Variants in MEIS2 observed in about 807,000 individuals in gnomAD.
MEIS2 encodes the protein homeobox protein Meis2.
MEIS2 carries 9 observed loss-of-function variants against 58.6 expected under a neutral mutation model. The observed-to-expected ratio is 0.15, with a 90% CI of 0.09 to 0.27. The LOEUF (loss-of-function observed/expected upper bound fraction) is 0.27, where lower values mean the gene tolerates loss of function less well. Among genes scored for constraint, MEIS2 ranks in the 10% least tolerant of loss-of-function variants. The pLI is 1.00. For missense variants in MEIS2, 427 were observed against 635.0 expected (o/e 0.67, Z 3.52); for synonymous variants, 221 against 228.4 (o/e 0.97, Z 0.29).
intron 8 of MEIS2, among the ~76,000 whole-genome samples, chr15:37,035,775 C>G (rs2062125096): frequency 6.6e-6 from 1 of 152,218 alleles, no homozygotes; most frequent in South Asian, 2.1e-4. Flanking sequence ...CTTTGTAGCT[C>G]TGCAAGAAGA....
rs1263005930 is a variant in MEIS2, at chr15:37,093,664, C to T, written c.556G>A (p.Asp186Asn). ...ISCLKGKMPI[D>N]LVIDERDGSS... is the part of the protein sequence containing the mutation. ...CCGTCTCTTTCATCAATGACGAGGT[C>T]GATGGGCATTTTCCCCTTCAAACAG... The change falls in exon 6 of 12, where the codon GAC becomes AAC. Residue 186 changes from aspartate to asparagine, a missense_variant. By Grantham distance (23) the Asp-to-Asn change is conservative. Coordinates refer to ENST00000561208, the MANE Select transcript of MEIS2 (RefSeq NM_170675.5). 1 of 1,614,048 alleles carries T rather than the reference C, an allele frequency of 6.2e-7. No individual in the cohort carries two copies. The highest frequency in any genetic ancestry group is 1.7e-5 in the Admixed American group (1 of 60,002).
At chr15:36,925,961 T>C (rs2057730100) in intron 9 of MEIS2, among the ~76,000 whole-genome samples, 1 of 152,220 alleles carries the variant, frequency 6.6e-6, no homozygotes, top group African/African-American at 2.4e-5. Flanking sequence ...AGGCTTACTG[T>C]GGGTGCCAAG....
At chr15:36,956,716 A>G (rs1001283342) in intron 8 of MEIS2, among the ~76,000 whole-genome samples, 2 of 152,148 alleles carry the variant, frequency 1.3e-5, no homozygotes, top group African/African-American at 4.8e-5. Context: ...TACAGAAAAT[A>G]TATTCCTAAC....
At chr15:37,047,417 A>G (rs1024421379) in intron 7 of MEIS2, among the ~76,000 whole-genome samples, 3 of 152,172 alleles carry the variant, frequency 2.0e-5, no homozygotes, top group Non-Finnish European at 4.4e-5. Flanking sequence ...GCCAGATACC[A>G]TCATTTCCCT....
intron 6 of MEIS2, among the ~76,000 whole-genome samples, chr15:37,093,214 T>C (rs1022847727): frequency 6.6e-6 from 1 of 152,216 alleles, no homozygotes; most frequent in Non-Finnish European, 1.5e-5. Context: ...CTAACTGTCT[T>C]GCTTCTTTCT....
At chr15:37,081,621 T>C (rs189103600) in intron 7 of MEIS2, among the ~76,000 whole-genome samples, 12 of 152,326 alleles carry the variant, frequency 7.9e-5, no homozygotes, top group African/African-American at 2.6e-4. Flanking sequence ...ATCACTGATG[T>C]GGTAAGCCAG....
rs1186393341 is a variant in MEIS2 at position 37,036,926 on chromosome 15, C to G, written c.788G>C (p.Gly263Ala). The change falls in exon 8 of 12, where the codon GGT (glycine) becomes GCT (alanine). Residue 263 changes from glycine to alanine, a missense_variant. By Grantham distance (60) the Gly-to-Ala change is moderately conservative (BLOSUM62 0). This residue lies in a region of MEIS2 where 138 missense variants were observed against 263.0 expected (regional missense o/e 0.52). Transcript: ENST00000561208. ...DGLDNSVASP[G>A]TGDDDDPDKD... ...ATCCGGATCATCATCGTCACCTGTACCAGGTGAAGCTACACTGTTGTCTAA... is the reference window on the plus strand; with the variant it reads ...ATCCGGATCATCATCGTCACCTGTAGCAGGTGAAGCTACACTGTTGTCTAA... 1.2e-6 allele frequency: 2 copies of G among 1,613,384 alleles called. No homozygotes were observed. The highest frequency in any genetic ancestry group is 1.7e-6 in the Non-Finnish European group (2 of 1,179,696).
intron 9 of MEIS2, among the ~76,000 whole-genome samples, chr15:36,935,070 T>C (rs899839676): frequency 6.6e-6 from 1 of 152,124 alleles, no homozygotes; most frequent in Non-Finnish European, 1.5e-5. Flanking sequence ...TTGGTTAGAG[T>C]CCAAGGTCAC....
intron 4 of MEIS2, 49 bp from the exon 5 acceptor site, chr15:37,094,626 T>A: frequency 3.8e-6 from 6 of 1,568,862 alleles, no homozygotes; most frequent in Non-Finnish European, 5.2e-6. Context: ...GACTCTGAGG[T>A]CCTGTCTTGG....
intron 9 of MEIS2, chr15:36,898,286 C>T (rs925488480): frequency 3.3e-5 from 5 of 152,240 alleles, no homozygotes; most frequent in African/African-American, 1.2e-4. Flanking sequence ...ATTATCTACT[C>T]TTTCCCCACC....
chr15:37,067,607 A>AG (rs1890129404), intron 7 of MEIS2, among the ~76,000 whole-genome samples: 1 of 151,250 alleles, frequency 6.6e-6, no homozygotes, highest in Non-Finnish European at 1.5e-5. Context: ...AAAAAAAAAA[A>AG]AAAATTAGAA....
intron 6 of MEIS2, among the ~76,000 whole-genome samples, chr15:37,090,415 C>A (rs1326294611): frequency 1.3e-5 from 2 of 152,048 alleles, no homozygotes; most frequent in East Asian, 1.9e-4. Flanking sequence ...TCTTCTAATG[C>A]ATCTGTTATA....
intron 8 of MEIS2, among the ~76,000 whole-genome samples, chr15:36,969,650 A>T (rs1037360868): frequency 6.6e-6 from 1 of 152,232 alleles, no homozygotes; most frequent in Non-Finnish European, 1.5e-5. Flanking sequence ...TCTAATTTCA[A>T]ATACTAATGA....
At chr15:36,967,950 T>A in intron 8 of MEIS2, among the ~76,000 whole-genome samples, 1 of 152,212 alleles carries the variant, frequency 6.6e-6, no homozygotes, top group East Asian at 1.9e-4. Flanking sequence ...TGCTATGAAC[T>A]CCCCTAGCCC....
intron 8 of MEIS2, among the ~76,000 whole-genome samples, chr15:37,009,237 C>T (rs764639587): frequency 6.6e-6 from 1 of 151,764 alleles, no homozygotes; most frequent in Non-Finnish European, 1.5e-5. Context: ...TGCAGTGAGC[C>T]GAGATCGCGC....
intron 9 of MEIS2, among the ~76,000 whole-genome samples, chr15:36,927,262 G>A (rs1433475592): frequency 1.3e-4 from 20 of 152,080 alleles, no homozygotes; most frequent in Admixed American, 1.3e-3. Flanking sequence ...ATGATGGGGG[G>A]GTCTGATGTA....
At chr15:37,011,520 CAT>C (rs759407872) in intron 8 of MEIS2, among the ~76,000 whole-genome samples, 1 of 150,270 alleles carries the variant, frequency 6.7e-6, no homozygotes, top group Admixed American at 6.6e-5. Flanking sequence ...GAAAAAGAGA[CAT>C]GTGCGTTGTC....
At chr15:37,064,374 ACAACGTAAATAT>A (rs879322998) in intron 7 of MEIS2, among the ~76,000 whole-genome samples, 12 of 152,102 alleles carry the variant, frequency 7.9e-5, no homozygotes, top group Admixed American at 7.9e-4. Context: ...AAACATATTT[ACAACGTAAATAT>A]GTAGTAATAT....
chr15:36,933,480 T>G (rs1395547444), intron 9 of MEIS2, among the ~76,000 whole-genome samples: 3 of 152,086 alleles, frequency 2.0e-5, no homozygotes. Flanking sequence ...CCTGCATGGT[T>G]TAGAGACCAT....
Sources: allele counts gnomAD v4.1 joint callset (sites outside exome capture counted in the v4.1 genomes callset), GRCh38; gene constraint gnomAD v4.1.1; regional missense constraint gnomAD v4.1.1; transcripts MANE v1.5; gene names NCBI Gene and HGNC (gene_info 2026-07-23, HGNC 2026-07-21).